The following PDGFC variants were observed in gnomAD, a reference collection of about 807,000 sequenced individuals.
PDGFC encodes the protein platelet-derived growth factor C.
A neutral mutation model predicts 35.5 loss-of-function variants in PDGFC; 12 were observed. The observed-to-expected ratio is 0.34, with a 90% confidence interval of 0.22 to 0.55. PDGFC has a LOEUF of 0.55. PDGFC is among the 20% of genes least tolerant of loss of function. The pLI is 0.91. For synonymous variants in PDGFC, 159 were observed against 148.8 expected (o/e 1.07, Z -0.50); for missense variants, 322 against 412.4 (o/e 0.78, Z 1.90).
chr4:156,813,068 G>A (rs1033647859), intron 2 of PDGFC, among the ~76,000 whole-genome samples: 2 of 152,046 alleles, frequency 1.3e-5, no homozygotes, highest in Non-Finnish European at 2.9e-5. Context: ...GAAGGGTTAG[G>A]CAGTGTATGT....
At chr4:156,781,102 A>G (rs1436867448) in intron 3 of PDGFC, among the ~76,000 whole-genome samples, 1 of 152,138 alleles carries the variant, frequency 6.6e-6, no homozygotes, top group Non-Finnish European at 1.5e-5. Flanking sequence ...GACTACCAGA[A>G]AATTCCTATT....
intron 1 of PDGFC, among the ~76,000 whole-genome samples, chr4:156,877,389 G>C (rs181512258): frequency 6.6e-6 from 1 of 152,026 alleles, no homozygotes; most frequent in East Asian, 1.9e-4. Context: ...AATTACTCAT[G>C]ACAAATTTTA....
chr4:156,879,998 C>T (rs1730204263), intron 1 of PDGFC, among the ~76,000 whole-genome samples: 1 of 152,114 alleles, frequency 6.6e-6, no homozygotes, highest in Non-Finnish European at 1.5e-5. Flanking sequence ...AAGCTGGAAG[C>T]CAGCAGACGT....
chr4:156,856,100 C>CATCATTT (rs1376516548), intron 1 of PDGFC, among the ~76,000 whole-genome samples: 1 of 152,112 alleles, frequency 6.6e-6, no homozygotes, highest in Non-Finnish European at 1.5e-5. Context: ...TCTGCTTTAT[C>CATCATTT]ATCATTTCCC....
chr4:156,943,252 C>T (rs1456396695), intron 1 of PDGFC, among the ~76,000 whole-genome samples: 2 of 152,026 alleles, frequency 1.3e-5, no homozygotes, highest in Non-Finnish European at 2.9e-5. Flanking sequence ...TATGATGTAG[C>T]TCATTTCATC....
chr4:156,829,230 A>G (rs959298401), intron 2 of PDGFC, among the ~76,000 whole-genome samples: 13 of 152,192 alleles, frequency 8.5e-5, no homozygotes, highest in African/African-American at 3.1e-4. Context: ...TATATTTTTC[A>G]CAGAAATGGA....
chr4:156,863,455 T>G (rs1442959326), intron 1 of PDGFC, among the ~76,000 whole-genome samples: 1 of 152,190 alleles, frequency 6.6e-6, no homozygotes, highest in African/African-American at 2.4e-5. Flanking sequence ...TTTTCTTTGT[T>G]TTCGTAAACT....
At chr4:156,959,262 CAAAT>C (rs1023685268) in intron 1 of PDGFC, among the ~76,000 whole-genome samples, 4 of 151,816 alleles carry the variant, frequency 2.6e-5, no homozygotes, top group African/African-American at 9.7e-5. Flanking sequence ...CGAAAACAAA[CAAAT>C]AAACAAAAAA....
intron 3 of PDGFC, among the ~76,000 whole-genome samples, chr4:156,797,987 C>T (rs576746438): frequency 6.6e-6 from 1 of 152,188 alleles, no homozygotes; most frequent in South Asian, 2.1e-4. Flanking sequence ...GTCAGGAATT[C>T]GAGACCAGCC....
intron 2 of PDGFC, among the ~76,000 whole-genome samples, chr4:156,823,587 C>A (rs1450778020): frequency 6.6e-6 from 1 of 152,096 alleles, no homozygotes; most frequent in African/African-American, 2.4e-5. Flanking sequence ...TTGAAAAATA[C>A]AATAGTGTGA....
At chr4:156,954,267 C>A (rs942881963) in intron 1 of PDGFC, among the ~76,000 whole-genome samples, 1 of 151,908 alleles carries the variant, frequency 6.6e-6, no homozygotes, top group Admixed American at 6.6e-5. Context: ...TGCCCATAAT[C>A]TCATAGGATC....
chr4:156,811,112 C>T, intron 2 of PDGFC, 95 bp from the exon 3 acceptor site: 1 of 685,326 alleles, frequency 1.5e-6, no homozygotes, highest in South Asian at 3.1e-5. Flanking sequence ...CTCTACGGAC[C>T]ACAGCAGTGA....
At chr4:156,801,915 G>A (rs1169911667) in intron 3 of PDGFC, among the ~76,000 whole-genome samples, 1 of 152,174 alleles carries the variant, frequency 6.6e-6, no homozygotes, top group Non-Finnish European at 1.5e-5. Context: ...GACAGCGACA[G>A]ATAAAAGGTT....
intron 1 of PDGFC, among the ~76,000 whole-genome samples, chr4:156,933,941 C>T (rs1389057142): frequency 6.6e-6 from 1 of 152,202 alleles, no homozygotes; most frequent in Non-Finnish European, 1.5e-5. Context: ...TCAATTAAAT[C>T]TCCCTCCTTT....
chr4:156,788,085 G>A (rs1357425348), intron 3 of PDGFC, among the ~76,000 whole-genome samples: 3 of 152,080 alleles, frequency 2.0e-5, no homozygotes, highest in Non-Finnish European at 2.9e-5. Flanking sequence ...ATGGTGTGGG[G>A]GCATAATTCT....
Position 156,929,883 on chromosome 4 carries a change from G to C in PDGFC, c.118+40903C>G, listed in dbSNP as rs139204863. Among the ~76,000 whole-genome samples the C allele has an allele frequency of 5.4e-3, 818 of 152,228 alleles. 7 individuals are homozygous for C. The highest frequency in any genetic ancestry group is 0.019 in the African/African-American group (772 of 41,536). On this transcript the variant is annotated intron_variant, in intron 1 of 5. Coordinates refer to ENST00000502773, the MANE Select transcript of PDGFC (RefSeq NM_016205.3). ...GTGTTGACAGGCCAGAACTTGTAGTGTCCTGAGAAGTGTGCAGCCCTGCTC... is the reference window on the plus strand; with the variant it reads ...GTGTTGACAGGCCAGAACTTGTAGTCTCCTGAGAAGTGTGCAGCCCTGCTC...
chr4:156,813,297 T>C (rs1416744399), intron 2 of PDGFC, among the ~76,000 whole-genome samples: 2 of 152,112 alleles, frequency 1.3e-5, no homozygotes, highest in South Asian at 2.1e-4. Flanking sequence ...CAGGGATTTA[T>C]GAAACACTGA....
chr4:156,862,984 C>A (rs1443955874), intron 1 of PDGFC, among the ~76,000 whole-genome samples: 2 of 152,118 alleles, frequency 1.3e-5, no homozygotes, highest in East Asian at 3.9e-4. Context: ...TGAGCCACCA[C>A]AACCGGCCTA....
intron 1 of PDGFC, among the ~76,000 whole-genome samples, chr4:156,921,177 T>G (rs958785508): frequency 5.3e-5 from 8 of 152,278 alleles, no homozygotes; most frequent in Admixed American, 4.6e-4. Flanking sequence ...AAGACTACAA[T>G]GAAGGTCTAC....
Sources: allele counts gnomAD v4.1 joint callset (sites outside exome capture counted in the v4.1 genomes callset), GRCh38; gene constraint gnomAD v4.1.1; transcripts MANE v1.5; gene names NCBI Gene and HGNC (gene_info 2026-07-23, HGNC 2026-07-21).